The following DEPDC5 variants were observed in gnomAD, a reference collection of about 807,000 sequenced individuals.
DEPDC5 encodes DEP domain containing 5, GATOR1 subcomplex subunit.
DEPDC5 carries 73 observed loss-of-function variants against 217.3 expected under a neutral mutation model. The ratio of observed to expected loss-of-function variants is 0.34; its 90% CI spans 0.28 to 0.41. DEPDC5 has a LOEUF of 0.41. Among genes scored for constraint, DEPDC5 ranks in the 10% least tolerant of loss-of-function variants. The pLI, the probability that DEPDC5 is intolerant of heterozygous loss-of-function variation, is 1.00. For missense variants in DEPDC5, 1,675 were observed against 2,070.1 expected, an observed-to-expected ratio of 0.81 and a Z score of 3.70; for synonymous variants, 733 against 756.7, an observed-to-expected ratio of 0.97 and a Z score of 0.51.
At chr22:31,897,373 C>A in intron 39 of DEPDC5, 109 bp from the exon 40 acceptor site, 33 of 1,383,432 alleles carry the variant, frequency 2.4e-5, no homozygotes, top group Non-Finnish European at 2.9e-5. Flanking sequence ...AATGAGCATG[C>A]AAATCAATAT....
At chr22:31,863,108 A>G (rs913127450) in intron 33 of DEPDC5, among the ~76,000 whole-genome samples, 2 of 151,882 alleles carry the variant, frequency 1.3e-5, no homozygotes, top group Admixed American at 1.3e-4. Flanking sequence ...TGGCCTCCCA[A>G]AGCACTGGGA....
Position 31,766,688 on chromosome 22 carries a change from G to T in DEPDC5, c.363+20G>T. 1.9e-6 allele frequency: 3 copies of T among 1,603,760 alleles called. No individual in the cohort carries two copies. The highest frequency in any genetic ancestry group is 2.6e-6 in the Non-Finnish European group (3 of 1,172,436). ...AGTTTGGTAAGATGTGATTTTTTTT[G>T]AAAGTCTGTTACTTTTTCCATTATG... On this transcript the variant is annotated intron_variant, in intron 6 of 42. Coordinates refer to ENST00000651528, the MANE Select transcript of DEPDC5 (RefSeq NM_001242896.3).
At chr22:31,903,546 CAT>C (rs2093699527) in intron 41 of DEPDC5, among the ~76,000 whole-genome samples, 1 of 18,472 alleles carries the variant, frequency 5.4e-5, no homozygotes, top group African/African-American at 2.4e-4. Context: ...ACCCTCCCCC[CAT>C]CTTCCACACC....
chr22:31,856,773 TTTTG>T (rs141442882), intron 31 of DEPDC5, among the ~76,000 whole-genome samples: 3,432 of 151,956 alleles, frequency 0.023, 106 homozygotes, highest in African/African-American at 0.068. Flanking sequence ...TAATGCAGTT[TTTTG>T]TTTGTTTGTT....
chr22:31,877,926 G>A (rs1370415603), intron 37 of DEPDC5, among the ~76,000 whole-genome samples: 2 of 151,926 alleles, frequency 1.3e-5, no homozygotes, highest in Non-Finnish European at 2.9e-5. Flanking sequence ...GGTGGCTCAC[G>A]CCTGTAATCT....
In DEPDC5 at chr22:31,769,422, A is replaced by G. The variant is rs1464902876; in HGVS notation, c.413+559A>G. 8 of 152,282 alleles carry G rather than the reference A, an allele frequency of 5.3e-5. No homozygotes were observed. The East Asian group carries it at 1.5e-3, about 29-fold the overall frequency. The allele number at this position is 152,282 out of a possible 1,614,324, so 9.4% of individuals were successfully genotyped here. On this transcript the variant is annotated intron_variant, in intron 7 of 42. Transcript: ENST00000651528. ...GGAGATAGAGACTCGTAATTTTACA[A>G]CTGGAAAAACCCTAGATGCACGTAT...
rs2084849781 is a variant in DEPDC5, at chr22:31,785,135, A to T, written c.624+260A>T. 8.2e-6 allele frequency: 3 copies of T among 366,070 alleles called. No homozygotes were observed. In the South Asian group the frequency reaches 1.1e-4, roughly 14 times the overall value. The allele number at this position is 366,070 out of a possible 1,614,324, so 22.7% of individuals were successfully genotyped here. A position where few individuals can be genotyped will look rare whatever the true frequency, so the allele number is the denominator to read the frequency against. On this transcript the variant is annotated intron_variant, in intron 10 of 42. Coordinates refer to ENST00000651528, the MANE Select transcript of DEPDC5 (RefSeq NM_001242896.3). Reference sequence around the variant, plus strand: ...AAGTATGCTTGCTTTTGCCACTGATATTCAACATTATACTAACTAGAAGTT... The same window carrying T: ...AAGTATGCTTGCTTTTGCCACTGATTTTCAACATTATACTAACTAGAAGTT...
In DEPDC5 at chr22:31,864,501, A is replaced by AATATATAT. The variant is rs34148134; in HGVS notation, c.3330+3085_3330+3092dup. ...CCTTCTGAACCTGTTTCTTCATTAA[A>AATATATAT]ATATATATATATATATATATATATT... On this transcript the variant is annotated intron_variant, in intron 33 of 42. Transcript: ENST00000651528. 5.0e-3 allele frequency among the ~76,000 whole-genome samples: 612 copies of AATATATAT among 123,104 alleles called. 8 individuals carry two copies. The highest frequency in any genetic ancestry group is 6.7e-3 in the Non-Finnish European group (395 of 59,048). 80.8% of individuals were successfully genotyped at this position (123,104 alleles called of 152,430 possible).
intron 3 of DEPDC5, among the ~76,000 whole-genome samples, chr22:31,759,676 C>CTTTTT (rs35291104): frequency 2.1e-5 from 2 of 94,954 alleles, no homozygotes; most frequent in African/African-American, 8.8e-5. Flanking sequence ...CGCGCCCAGC[C>CTTTTT]TTTTTTTTTT....
At chr22:31,792,685 C>T in intron 11 of DEPDC5, 60 bp from the exon 12 acceptor site, 1 of 1,201,016 alleles carries the variant, frequency 8.3e-7, no homozygotes. Flanking sequence ...GAAGAGGAAG[C>T]TGACAAAACT....
rs199567632 is a variant in DEPDC5, at chr22:31,774,204, C to CT, written c.414-3879dup. On this transcript the variant is annotated intron_variant, in intron 7 of 42. Coordinates refer to ENST00000651528, the MANE Select transcript of DEPDC5 (RefSeq NM_001242896.3). ...CCTAGCCTGTTGGATCACATTGTAA[C>CT]TTTTTTTTTTTTTTTTGAGACGAGT... is the stretch of plus-strand genomic sequence containing the variant. Among the ~76,000 whole-genome samples, 580 of 142,434 alleles carry CT rather than the reference C, an allele frequency of 4.1e-3. 3 individuals carry two copies. Among genetic ancestry groups the CT allele is most frequent in the African/African-American group, 9.1e-3 (355 of 38,860 alleles). 93.4% of individuals were successfully genotyped at this position (142,434 alleles called of 152,430 possible).
intron 12 of DEPDC5, among the ~76,000 whole-genome samples, chr22:31,796,907 G>T (rs1299746041): frequency 1.3e-5 from 2 of 151,904 alleles, no homozygotes; most frequent in African/African-American, 4.8e-5. Context: ...GTGTTGGCCA[G>T]GCTGGTCTTG....
At chr22:31,832,386 T>G (rs1221717275) in intron 24 of DEPDC5, among the ~76,000 whole-genome samples, 1 of 152,264 alleles carries the variant, frequency 6.6e-6, no homozygotes, top group Admixed American at 6.5e-5. Flanking sequence ...TGTGTAAGGC[T>G]TCCTGTTGTT....
intron 7 of DEPDC5, 118 bp downstream of exon 7, chr22:31,768,981 C>A: frequency 1.1e-5 from 15 of 1,366,404 alleles, no homozygotes; most frequent in Non-Finnish European, 1.4e-5. Context: ...AGATTGTTGG[C>A]TGGCCACAGT....
intron 5 of DEPDC5, 99 bp from the exon 6 acceptor site, chr22:31,766,486 T>A: frequency 8.2e-7 from 1 of 1,214,226 alleles, no homozygotes; most frequent in South Asian, 1.3e-5. Flanking sequence ...TAGTTTTCTT[T>A]TTTGCAATAA....
intron 2 of DEPDC5, 150 bp from the exon 3 acceptor site, chr22:31,758,396 T>C: frequency 1.5e-6 from 1 of 659,770 alleles, no homozygotes; most frequent in Middle Eastern, 2.9e-4. Flanking sequence ...TGTGAATCCA[T>C]TAGTCATTGT....
intron 31 of DEPDC5, 30 bp from the exon 32 acceptor site, chr22:31,857,415 G>A: frequency 6.4e-7 from 1 of 1,559,376 alleles, no homozygotes; most frequent in African/African-American, 1.4e-5. Flanking sequence ...CTCTGAGCAA[G>A]CTGCTGTCAT....
intron 16 of DEPDC5, among the ~76,000 whole-genome samples, chr22:31,804,496 A>G (rs531214876): frequency 2.2e-4 from 34 of 152,270 alleles, no homozygotes; most frequent in Admixed American, 1.8e-3. Flanking sequence ...CTGGAGTGCA[A>G]TGGTGCGATG....
chr22:31,800,404 C>T (rs1052687419), intron 14 of DEPDC5, among the ~76,000 whole-genome samples: 2 of 152,086 alleles, frequency 1.3e-5, no homozygotes, highest in Non-Finnish European at 2.9e-5. Flanking sequence ...CCCCCACTCA[C>T]CTACCCCCAA....
Sources: gnomAD v4.1 joint callset for allele counts (sites outside exome capture counted in the v4.1 genomes callset) on GRCh38, gnomAD v4.1.1 for gene constraint, MANE v1.5 for transcripts, NCBI Gene and HGNC (gene_info 2026-07-23, HGNC 2026-07-21) for gene names.